Variants in PDE11A observed in about 807,000 individuals in gnomAD.
PDE11A encodes phosphodiesterase 11A.
Under a neutral mutation model 100.5 loss-of-function variants are expected in PDE11A, and 100 were observed. The observed-to-expected ratio is 1.00, with a 90% confidence interval of 0.85 to 1.18. The LOEUF is 1.18. Ranked by LOEUF, PDE11A falls within the 50% of genes most tolerant of loss-of-function variation. The probability of loss-of-function intolerance (pLI) is 0.00; values close to 1 mark genes in which losing one functional copy is unlikely to be tolerated. For synonymous variants in PDE11A, 381 were observed against 420.8 expected, an observed-to-expected ratio of 0.91 and a Z score of 1.16; for missense variants, 1,141 against 1,152.6, an observed-to-expected ratio of 0.99 and a Z score of 0.15.
intron 2 of PDE11A, among the ~76,000 whole-genome samples, chr2:177,960,090 A>ATT (rs113728591): frequency 2.7e-5 from 4 of 149,326 alleles, no homozygotes; most frequent in African/African-American, 7.4e-5. Context: ...CACTGTCATT[A>ATT]TTTTTTTTTT....
intron 1 of PDE11A, among the ~76,000 whole-genome samples, chr2:178,021,385 A>C (rs2086409661): frequency 6.6e-6 from 1 of 152,232 alleles, no homozygotes; most frequent in Admixed American, 6.5e-5. Context: ...AATCAAATTA[A>C]TCTAATGGGA....
chr2:177,725,918 G>T (rs991958511), intron 12 of PDE11A, among the ~76,000 whole-genome samples: 20 of 152,018 alleles, frequency 1.3e-4, no homozygotes, highest in Admixed American at 1.3e-3. Context: ...ATTGAACAGG[G>T]TTCCTACTTA....
At chr2:177,825,296 G>A (rs549194888) in intron 6 of PDE11A, among the ~76,000 whole-genome samples, 1 of 152,186 alleles carries the variant, frequency 6.6e-6, no homozygotes, top group Non-Finnish European at 1.5e-5. Context: ...ATCAGAGAAT[G>A]CAGAGGGTGT....
chr2:178,086,074 C>T (rs1473915474), intron 2 of PDE11A, among the ~76,000 whole-genome samples: 4 of 152,298 alleles, frequency 2.6e-5, no homozygotes, highest in South Asian at 2.1e-4. Context: ...AACCACTGAT[C>T]ACTCAAATTC....
In PDE11A at chr2:177,756,638, A is replaced by C. The variant is rs188482292; in HGVS notation, c.1788+12685T>G. On this transcript the variant is annotated intron_variant, in intron 10 of 19. Transcript: ENST00000286063. ...TCCAGGAAGGCCAGAGGTGAATTAT[A>C]GTATGTGTTAGGAAAATGAACCTAG... 6.1e-3 allele frequency among the ~76,000 whole-genome samples: 928 copies of C among 152,354 alleles called. 6 individuals carry two copies. Among genetic ancestry groups the C allele is most frequent in the Non-Finnish European group, 9.2e-3 (623 of 68,022 alleles).
chr2:178,094,177 A>G (rs1403613277), intron 2 of PDE11A, among the ~76,000 whole-genome samples: 3 of 152,050 alleles, frequency 2.0e-5, no homozygotes, highest in Non-Finnish European at 4.4e-5. Flanking sequence ...CAATACACAC[A>G]GTACACACGC....
At chr2:178,033,438 A>C (rs1289390481) in intron 1 of PDE11A, among the ~76,000 whole-genome samples, 1 of 152,234 alleles carries the variant, frequency 6.6e-6, no homozygotes, top group Non-Finnish European at 1.5e-5. Flanking sequence ...TGTACCTGAA[A>C]GTGACGGGGA....
At chr2:177,867,587 G>T (rs1240373848) in intron 5 of PDE11A, among the ~76,000 whole-genome samples, 1 of 152,134 alleles carries the variant, frequency 6.6e-6, no homozygotes, top group Non-Finnish European at 1.5e-5. Flanking sequence ...AATTAGCTGG[G>T]TGTGGTGGCG....
chr2:178,100,181 T>C (rs1175339020), intron 2 of PDE11A, among the ~76,000 whole-genome samples: 4 of 152,206 alleles, frequency 2.6e-5, no homozygotes, highest in African/African-American at 7.2e-5. Context: ...TGCAAAACAG[T>C]GTGTGCTTAA....
intron 4 of PDE11A, among the ~76,000 whole-genome samples, chr2:177,891,225 G>A (rs2084523897): frequency 6.6e-6 from 1 of 152,120 alleles, no homozygotes; most frequent in Non-Finnish European, 1.5e-5. Flanking sequence ...GGGAGGCGGA[G>A]GTTGCAGTGA....
chr2:177,815,013 T>A (rs1352530575), intron 9 of PDE11A, among the ~76,000 whole-genome samples: 1 of 152,200 alleles, frequency 6.6e-6, no homozygotes, highest in Admixed American at 6.5e-5. Flanking sequence ...TCTCTCTTTG[T>A]GTGTTAATTA....
chr2:177,726,623 G>A (rs528518219), intron 12 of PDE11A, among the ~76,000 whole-genome samples: 2 of 150,910 alleles, frequency 1.3e-5, no homozygotes, highest in East Asian at 3.9e-4. Flanking sequence ...TGCCTTAAAG[G>A]ATGAGTAAAA....
intron 17 of PDE11A, 79 bp downstream of exon 17, chr2:177,675,376 C>T: frequency 9.8e-7 from 1 of 1,024,170 alleles, no homozygotes; most frequent in Non-Finnish European, 1.5e-6. Flanking sequence ...GCCTGGTAGT[C>T]AGGGCTCTGG....
chr2:177,773,680 T>A lies in PDE11A; in HGVS notation c.1738-4307A>T, dbSNP rs537905767. On this transcript the variant is annotated intron_variant, in intron 9 of 19. Transcript: ENST00000286063. ...TCTTCTTGTTTCTGAGAGTTCCTGT[T>A]TGTAGGACTCCAAGAACCAGTAGAG... 1.3e-4 allele frequency among the ~76,000 whole-genome samples: 20 copies of A among 152,332 alleles called. No individual in the cohort carries two copies. In the South Asian group the frequency reaches 4.1e-3, roughly 32 times the overall value.
intron 1 of PDE11A, among the ~76,000 whole-genome samples, chr2:178,062,556 C>A (rs137908534): frequency 1.1e-4 from 16 of 152,204 alleles, no homozygotes; most frequent in African/African-American, 3.6e-4. Flanking sequence ...TCTTGAGCAA[C>A]CCTGGGATAA....
chr2:177,792,096 A>G (rs1239990891), intron 9 of PDE11A, among the ~76,000 whole-genome samples: 2 of 152,206 alleles, frequency 1.3e-5, no homozygotes, highest in Non-Finnish European at 2.9e-5. Flanking sequence ...CTATTTCAAA[A>G]TTAGTGTTCC....
chr2:177,697,466 T>G (rs757948091), intron 14 of PDE11A, 34 bp from the exon 15 acceptor site: 3 of 1,005,132 alleles, frequency 3.0e-6, no homozygotes, highest in Non-Finnish European at 4.8e-6. Context: ...ACAAAAGACA[T>G]TAAATCTGTG....
intron 2 of PDE11A, among the ~76,000 whole-genome samples, chr2:178,097,348 C>G (rs1322841992): frequency 6.6e-6 from 1 of 152,116 alleles, no homozygotes; most frequent in Non-Finnish European, 1.5e-5. Flanking sequence ...GCTTGGAGGC[C>G]TCAGGAAACT....
At chr2:177,961,511 G>GT (rs2085632383) in intron 2 of PDE11A, among the ~76,000 whole-genome samples, 1 of 152,064 alleles carries the variant, frequency 6.6e-6, no homozygotes, top group Non-Finnish European at 1.5e-5. Context: ...CATACTACCT[G>GT]TTACGTTTTG....
Sources: allele counts gnomAD v4.1 joint callset (sites outside exome capture counted in the v4.1 genomes callset), GRCh38; gene constraint gnomAD v4.1.1; transcripts MANE v1.5; gene names NCBI Gene and HGNC (gene_info 2026-07-23, HGNC 2026-07-21).